ELAVL4: variants seen among roughly 807,000 people sequenced by gnomAD.
ELAVL4 encodes ELAV like RNA binding protein 4.
A neutral mutation model predicts 35.6 loss-of-function variants in ELAVL4; 1 was observed. The ratio of observed to expected loss-of-function variants is 0.03; its 90% CI spans 0.01 to 0.13. The LOEUF (loss-of-function observed/expected upper bound fraction) is 0.13, where lower values mean the gene tolerates loss of function less well. Ranked by LOEUF, ELAVL4 falls within the 10% of genes least tolerant of loss-of-function variation. ELAVL4 has a pLI of 1.00. For missense variants in ELAVL4, 267 were observed against 464.9 expected, an observed-to-expected ratio of 0.57 and a Z score of 3.91; for synonymous variants, 156 against 171.0, an observed-to-expected ratio of 0.91 and a Z score of 0.69.
At chr1:50,079,406 A>G (rs1279475175) in intron 1 of ELAVL4, among the ~76,000 whole-genome samples, 6 of 152,218 alleles carry the variant, frequency 3.9e-5, no homozygotes, top group South Asian at 2.1e-4. Flanking sequence ...TACATTTTTA[A>G]TGAAGGCCTC....
chr1:50,052,966 G>A (rs905721623), intron 1 of ELAVL4, among the ~76,000 whole-genome samples: 2 of 152,188 alleles, frequency 1.3e-5, no homozygotes, highest in African/African-American at 2.4e-5. Context: ...TGTTGACATT[G>A]CAACTGCTAC....
At chr1:50,131,118 A>T (rs1261476536) in intron 1 of ELAVL4, among the ~76,000 whole-genome samples, 1 of 152,174 alleles carries the variant, frequency 6.6e-6, no homozygotes, top group African/African-American at 2.4e-5. Context: ...GTTTCAAAAT[A>T]CATGTATTAT....
At position 50,087,334 on chromosome 1, in the gene ELAVL4, A is replaced by G. The variant is rs114074539; in HGVS notation, c.18+39152A>G. Among the ~76,000 whole-genome samples, 369 of 152,320 alleles carry G rather than the reference A, an allele frequency of 2.4e-3. 3 individuals carry two copies. Among genetic ancestry groups the G allele is most frequent in the African/African-American group, 8.3e-3 (343 of 41,570 alleles). ...TGACAGAGCTAATTAGTGACAGAGC[A>G]AAGATGCTTGCTGTTCATGTCTTCC... is the stretch of plus-strand genomic sequence containing the variant. On this transcript the variant is annotated intron_variant, in intron 1 of 6. Transcript: ENST00000448907.
At chr1:50,089,253 G>A (rs1439374964) in intron 1 of ELAVL4, among the ~76,000 whole-genome samples, 1 of 152,200 alleles carries the variant, frequency 6.6e-6, no homozygotes, top group Non-Finnish European at 1.5e-5. Flanking sequence ...GGAGGCTACA[G>A]GAGCAGAGAG....
intron 2 of ELAVL4, among the ~76,000 whole-genome samples, chr1:50,159,039 CAAAAAA>C (rs57361277): frequency 1.6e-4 from 12 of 74,896 alleles, no homozygotes; most frequent in Admixed American, 1.1e-3. Flanking sequence ...GACTCCTTCT[CAAAAAA>C]AAAAAAAAAA....
intron 1 of ELAVL4, chr1:50,144,433 C>G (rs894096175): frequency 1.2e-5 from 4 of 343,254 alleles, no homozygotes; most frequent in African/African-American, 8.7e-5. Context: ...AAAATTTGAT[C>G]AGTGATTAAG....
Position 50,056,811 on chromosome 1 carries a change from A to C in ELAVL4, c.18+8629A>C, listed in dbSNP as rs12091041. Among the ~76,000 whole-genome samples the C allele has an allele frequency of 4.2e-3, 634 of 152,144 alleles. 9 individuals carry two copies. Among genetic ancestry groups the C allele is most frequent in the African/African-American group, 0.014 (594 of 41,510 alleles). ...GCTGGACATGGTGGCGGGCGCCTCT[A>C]GTCCCAGCTACTCAGGAGGCTGAGG... On this transcript the variant is annotated intron_variant, in intron 1 of 6. Coordinates refer to the ELAVL4 transcript ENST00000448907.
chr1:50,198,621 G>A (rs1428650959), intron 6 of ELAVL4, among the ~76,000 whole-genome samples: 1 of 152,144 alleles, frequency 6.6e-6, no homozygotes, highest in East Asian at 1.9e-4. Context: ...CCTGTTCCCA[G>A]GGATTTTACA....
chr1:50,129,641 A>G (rs1670531920), intron 1 of ELAVL4, among the ~76,000 whole-genome samples: 1 of 152,036 alleles, frequency 6.6e-6, no homozygotes, highest in Non-Finnish European at 1.5e-5. Context: ...CTGGTTTGGC[A>G]TTATTGTGAG....
At chr1:50,180,593 A>G (rs1437644568) in intron 3 of ELAVL4, 1 of 152,212 alleles carries the variant, frequency 6.6e-6, no homozygotes, top group Non-Finnish European at 1.5e-5. Flanking sequence ...ACAGCACCAA[A>G]GCAGAGAAAG....
intron 2 of ELAVL4, among the ~76,000 whole-genome samples, chr1:50,175,106 G>A (rs1679758408): frequency 6.6e-6 from 1 of 152,030 alleles, no homozygotes; most frequent in Admixed American, 6.5e-5. Context: ...AGCTCAACTT[G>A]GTGAATGTTT....
intron 1 of ELAVL4, among the ~76,000 whole-genome samples, chr1:50,073,526 G>T (rs2148489138): frequency 6.6e-6 from 1 of 151,736 alleles, no homozygotes; most frequent in Admixed American, 6.6e-5. Context: ...TGCTAAATAA[G>T]GATTCGAGTA....
intron 1 of ELAVL4, among the ~76,000 whole-genome samples, chr1:50,116,904 G>A (rs1244415637): frequency 1.3e-5 from 2 of 152,004 alleles, no homozygotes; most frequent in Non-Finnish European, 2.9e-5. Context: ...GATGCACTGG[G>A]TACAGATAGT....
At chr1:50,128,918 G>T (rs1196827766) in intron 1 of ELAVL4, among the ~76,000 whole-genome samples, 1 of 151,974 alleles carries the variant, frequency 6.6e-6, no homozygotes, top group Non-Finnish European at 1.5e-5. Context: ...TGGCTAGTTA[G>T]CTTTACCTTT....
At chr1:50,161,512 A>G (rs1338645778) in intron 2 of ELAVL4, among the ~76,000 whole-genome samples, 1 of 152,172 alleles carries the variant, frequency 6.6e-6, no homozygotes, top group East Asian at 1.9e-4. Flanking sequence ...AGTACTTGAT[A>G]CCAGCTTTTA....
At chr1:50,189,001 C>A (rs1337353617) in intron 3 of ELAVL4, among the ~76,000 whole-genome samples, 1 of 152,186 alleles carries the variant, frequency 6.6e-6, no homozygotes, top group East Asian at 1.9e-4. Flanking sequence ...ATTCCCAACA[C>A]CCATCCCAGG....
intron 2 of ELAVL4, chr1:50,174,760 T>C (rs1055620130): frequency 6.6e-6 from 1 of 152,140 alleles, no homozygotes; most frequent in Non-Finnish European, 1.5e-5. Flanking sequence ...AAATAAAATA[T>C]AGAATGTGAA....
chr1:50,199,522 A>G (rs1644271488), intron 6 of ELAVL4, among the ~76,000 whole-genome samples: 1 of 152,218 alleles, frequency 6.6e-6, no homozygotes, highest in Non-Finnish European at 1.5e-5. Context: ...CCTGGCCAAC[A>G]TGGCAAAACC....
intron 2 of ELAVL4, among the ~76,000 whole-genome samples, chr1:50,164,217 TA>T: frequency 6.6e-6 from 1 of 152,320 alleles, no homozygotes; most frequent in South Asian, 2.1e-4. Flanking sequence ...GAGTCTAAAA[TA>T]AATATAATTT....
Sources: allele counts gnomAD v4.1 joint callset (sites outside exome capture counted in the v4.1 genomes callset), GRCh38; gene constraint gnomAD v4.1.1; transcripts MANE v1.5; gene names NCBI Gene and HGNC (gene_info 2026-07-23, HGNC 2026-07-21).